The following ACACB variants were observed in gnomAD, a reference collection of about 807,000 sequenced individuals.
ACACB encodes acetyl-CoA carboxylase beta.
Under a neutral mutation model 278.8 loss-of-function variants are expected in ACACB, and 209 were observed. The observed-to-expected ratio is 0.75, with a 90% CI of 0.67 to 0.84. The LOEUF is 0.84. ACACB is among the 40% of genes least tolerant of loss of function. The probability of loss-of-function intolerance (pLI) is 0.00; values close to 1 mark genes in which losing one functional copy is unlikely to be tolerated. For synonymous variants in ACACB, 1,174 were observed against 1,285.6 expected (o/e 0.91, Z 1.86); for missense variants, 2,850 against 3,269.0 (o/e 0.87, Z 3.13).
intron 43 of ACACB, among the ~76,000 whole-genome samples, chr12:109,253,741 A>G (rs2047155590): frequency 6.6e-6 from 1 of 152,074 alleles, no homozygotes; most frequent in Non-Finnish European, 1.5e-5. Context: ...CATTATAACC[A>G]TTTCTGAGAG....
chr12:109,246,223 C>T lies in ACACB; in HGVS notation c.5346C>T (p.Tyr1782=), dbSNP rs2046939263. The T allele has an allele frequency of 6.2e-7, 1 of 1,613,638 alleles. No individual in the cohort carries two copies. Among genetic ancestry groups the T allele is most frequent in the African/African-American group, 1.3e-5 (1 of 74,756 alleles). The part of the protein sequence containing the change: ...AFKMRFKTQE[Y]PEGRDVIVIG... The stretch of plus-strand genomic sequence containing the variant: ...AAATGAGGTTTAAGACCCAGGAGTA[C>T]CCGGAAGGACGGGATGTGATCGTCA... The change falls in exon 39 of 53, where the codon TAC becomes TAT. Residue 1782 remains tyrosine, a synonymous_variant. Coordinates refer to ENST00000338432, the MANE Select transcript of ACACB (RefSeq NM_001093.4).
chr12:109,214,220 C>T (rs1477865983), intron 22 of ACACB, among the ~76,000 whole-genome samples: 1 of 152,112 alleles, frequency 6.6e-6, no homozygotes, highest in Non-Finnish European at 1.5e-5. Context: ...TGTGATCGCG[C>T]CATTGCACTC....
intron 17 of ACACB, among the ~76,000 whole-genome samples, chr12:109,197,429 C>T (rs936538580): frequency 4.6e-5 from 7 of 152,072 alleles, no homozygotes; most frequent in South Asian, 2.1e-4. Flanking sequence ...CTGTGGCCTG[C>T]GAGGTGTGTG....
At chr12:109,128,614 C>T (rs529687600) in intron 1 of ACACB, among the ~76,000 whole-genome samples, 6 of 152,256 alleles carry the variant, frequency 3.9e-5, no homozygotes, top group South Asian at 4.1e-4. Context: ...GCTGGGATTA[C>T]GGGCGTGAGC....
Position 109,172,060 on chromosome 12 carries a change from T to C in ACACB, c.1035+146T>C, listed in dbSNP as rs569029331. ...TGGGCTGATGTAACACAGAAAAGAG[T>C]GTTCAAGTGAGGCGAAGCACATTCT... On this transcript the variant is annotated intron_variant, in intron 5 of 52. Transcript: ENST00000338432. The C allele has an allele frequency of 5.0e-6, 4 of 799,958 alleles. No homozygotes were observed. In the East Asian group the frequency reaches 7.7e-5, roughly 15 times the overall value. 49.6% of individuals were successfully genotyped at this position (799,958 alleles called of 1,614,324 possible).
chr12:109,214,148 G>C (rs2045927300), intron 22 of ACACB, among the ~76,000 whole-genome samples: 1 of 152,032 alleles, frequency 6.6e-6, no homozygotes, highest in African/African-American at 2.4e-5. Flanking sequence ...TATAGGCCCA[G>C]CTACTCAGGA....
intron 39 of ACACB, 79 bp from the exon 40 acceptor site, chr12:109,247,527 T>C: frequency 1.0e-6 from 1 of 961,096 alleles, no homozygotes; most frequent in Non-Finnish European, 1.7e-6. Context: ...ATCCCTACGA[T>C]GTTCACATTA....
Position 109,223,918 on chromosome 12 carries a change from G to A in ACACB, c.3882+14G>A. On this transcript the variant is annotated intron_variant, in intron 27 of 52. Transcript: ENST00000338432. ...GCGTCCTTGGAGGTAAGCAGGAGAG[G>A]CCCAGAGAACAGCACTGACCATGCC... 3 of 1,610,642 alleles carry A rather than the reference G, an allele frequency of 1.9e-6. No homozygotes were observed. Among genetic ancestry groups the A allele is most frequent in the African/African-American group, 1.3e-5 (1 of 74,962 alleles).
chr12:109,115,576 C>T (rs534611150), upstream of ACACB, among the ~76,000 whole-genome samples: 3 of 110,390 alleles, frequency 2.7e-5, no homozygotes, highest in East Asian at 1.0e-3. Context: ...AGGCATTTGA[C>T]CTGCATTCCT....
intron 21 of ACACB, among the ~76,000 whole-genome samples, chr12:109,211,781 G>A (rs2045857805): frequency 6.6e-6 from 1 of 152,126 alleles, no homozygotes; most frequent in Admixed American, 6.6e-5. Flanking sequence ...AAAGGGAGAT[G>A]GTGGAATATG....
At chr12:109,237,103 C>T (rs1593664833) in intron 33 of ACACB, 62 bp from the exon 34 acceptor site, 3 of 1,557,378 alleles carry the variant, frequency 1.9e-6, no homozygotes, top group Non-Finnish European at 1.8e-6. Flanking sequence ...CAAGCAGGGA[C>T]GCAGCTCCAA....
intron 19 of ACACB, among the ~76,000 whole-genome samples, chr12:109,204,439 T>A (rs1258684219): frequency 6.6e-6 from 1 of 151,908 alleles, no homozygotes; most frequent in Non-Finnish European, 1.5e-5. Context: ...TATGCCCAGC[T>A]AATTTTTGTA....
intron 24 of ACACB, among the ~76,000 whole-genome samples, chr12:109,222,045 G>A (rs551782105): frequency 6.6e-5 from 10 of 151,720 alleles, no homozygotes; most frequent in South Asian, 2.1e-4. Context: ...GTGCCACCAT[G>A]CCCGGCTAAT....
At chr12:109,239,154 T>G (rs896648345) in intron 34 of ACACB, among the ~76,000 whole-genome samples, 2 of 152,006 alleles carry the variant, frequency 1.3e-5, no homozygotes, top group African/African-American at 4.8e-5. Flanking sequence ...TGACAACTGA[T>G]CCACCCATCT....
In ACACB at chr12:109,167,992, T is replaced by G; in HGVS notation, c.883T>G (p.Phe295Val). The part of the protein sequence containing the change: ...EMFRNERAIR[F>V]VVMVTPEDLK... ...GTTCCGCAACGAGCGGGCCATCCGG[T>G]TTGTTGTGATGGTGACCCCCGAGGA... Residue 295 changes from phenylalanine (F) to valine (V), a missense_variant, in exon 4 of 53, where the codon TTT becomes GTT. Phe to Val is a conservative substitution (Grantham distance 50). Transcript: ENST00000338432. 1 of 1,613,626 alleles carries G rather than the reference T, an allele frequency of 6.2e-7. No individual in the cohort carries two copies. The highest frequency in any genetic ancestry group is 8.5e-7 in the Non-Finnish European group (1 of 1,179,848).
intron 1 of ACACB, among the ~76,000 whole-genome samples, chr12:109,121,774 G>A (rs191206314): frequency 6.0e-4 from 92 of 152,330 alleles, no homozygotes; most frequent in African/African-American, 2.1e-3. Context: ...AGTGTTCACT[G>A]ACCCTGACGC....
At chr12:109,265,004 C>A in intron 50 of ACACB, 106 bp from the exon 51 acceptor site, 1 of 1,299,826 alleles carries the variant, frequency 7.7e-7, no homozygotes. Flanking sequence ...GGAATGATCT[C>A]AGAGCCTGGG....
chr12:109,214,227 A>G (rs1014016223), intron 22 of ACACB, among the ~76,000 whole-genome samples: 1 of 152,124 alleles, frequency 6.6e-6, no homozygotes, highest in Non-Finnish European at 1.5e-5. Flanking sequence ...GCGCCATTGC[A>G]CTCCAGCCTG....
chr12:109,225,723 A>T (rs983254899), intron 27 of ACACB, among the ~76,000 whole-genome samples: 1 of 152,230 alleles, frequency 6.6e-6, no homozygotes, highest in African/African-American at 2.4e-5. Context: ...ATTGTCCACT[A>T]TGGCAGCCAC....
Sources: allele counts gnomAD v4.1 joint callset (sites outside exome capture counted in the v4.1 genomes callset), GRCh38; gene constraint gnomAD v4.1.1; transcripts MANE v1.5; gene names NCBI Gene and HGNC (gene_info 2026-07-23, HGNC 2026-07-21).